MMP8: variants seen among roughly 807,000 people sequenced by gnomAD.
MMP8 encodes matrix metallopeptidase 8.
In MMP8, 67 loss-of-function variants were observed where a neutral mutation model predicts 51.2. The ratio of observed to expected loss-of-function variants is 1.31; its 90% CI spans 1.08 to 1.60. MMP8 has a LOEUF of 1.60. Ranked by LOEUF, MMP8 falls within the 40% of genes most tolerant of loss-of-function variation. The pLI is 0.00. For synonymous variants in MMP8, 225 were observed against 191.0 expected, an observed-to-expected ratio of 1.18 and a Z score of -1.47; for missense variants, 654 against 558.1, an observed-to-expected ratio of 1.17 and a Z score of -1.73.
intron 1 of MMP8, chr11:102,723,615 G>T (rs1861538330): frequency 2.5e-6 from 1 of 406,724 alleles, no homozygotes. Context: ...AACACAAAGG[G>T]CAGCCCCTCT....
At chr11:102,723,556 A>G (rs1565442757) in intron 1 of MMP8, 1 of 453,388 alleles carries the variant, frequency 2.2e-6, no homozygotes, top group Non-Finnish European at 4.4e-6. Flanking sequence ...GCTGTGTCAT[A>G]ACATGGCAGA....
chr11:102,718,331 A>G (rs1053325148), intron 5 of MMP8, 83 bp downstream of exon 5: 1 of 1,387,370 alleles, frequency 7.2e-7, no homozygotes, highest in Non-Finnish European at 9.9e-7. Flanking sequence ...CAGAAGTGCA[A>G]AGGAAGAGAT....
rs1242411962 is a variant in MMP8 at position 102,713,426 on chromosome 11, A to G, written c.1326T>C (p.Tyr442=). ...TCTGAGCAATAAGATCAAATGCGTA[A>G]TATCTTGGTCCACTGAAGACATGGA... is the stretch of plus-strand genomic sequence containing the variant. ...HFFHVFSGPR[Y]YAFDLIAQRV... The change falls in exon 10 of 10, where the codon TAT becomes TAC. Residue 442 remains tyrosine, a synonymous_variant. Coordinates refer to ENST00000236826, the MANE Select transcript of MMP8 (RefSeq NM_002424.3). The G allele has an allele frequency of 2.2e-5, 36 of 1,613,434 alleles. No homozygotes were observed. The highest frequency in any genetic ancestry group is 2.7e-5 in the Non-Finnish European group (32 of 1,179,552).
chr11:102,718,103 T>TC (rs35538003), intron 5 of MMP8, among the ~76,000 whole-genome samples: 44 of 148,910 alleles, frequency 3.0e-4, no homozygotes, highest in Admixed American at 6.7e-4. Flanking sequence ...TGAGACTCCA[T>TC]CCCCCCCCCC....
chr11:102,719,654 C>T (rs1861411810), intron 4 of MMP8, among the ~76,000 whole-genome samples: 1 of 152,210 alleles, frequency 6.6e-6, no homozygotes, highest in Non-Finnish European at 1.5e-5. Flanking sequence ...AAATTCTACC[C>T]ATGCTCTAAG....
intron 2 of MMP8, 112 bp downstream of exon 2, chr11:102,722,317 G>T: frequency 8.6e-7 from 1 of 1,157,544 alleles, no homozygotes; most frequent in African/African-American, 1.6e-5. Context: ...CTCTTCAAAG[G>T]CAGGGATATT....
rs767656147 is a variant in MMP8, at chr11:102,718,535, A to G, written c.663T>C (p.His221=). The G allele has an allele frequency of 6.2e-6, 10 of 1,613,948 alleles. No homozygotes were observed. Among genetic ancestry groups the G allele is most frequent in the South Asian group, 4.4e-5 (4 of 91,086 alleles). ...LFLVAAHEFG[H]SLGLAHSSDP... ...CAGAGGAGTGAGCGAGCCCCAAAGA[A>G]TGGCCAAATTCATGAGCAGCAACAA... Residue 221 remains histidine, a synonymous_variant, in exon 5 of 10, where the codon CAT becomes CAC. Coordinates refer to ENST00000236826, the MANE Select transcript of MMP8 (RefSeq NM_002424.3).
chr11:102,722,109 G>A (rs1353982343), intron 2 of MMP8, among the ~76,000 whole-genome samples: 2 of 152,090 alleles, frequency 1.3e-5, no homozygotes, highest in Admixed American at 6.5e-5. Context: ...TAAGATGTAT[G>A]AAAGGAGGGA....
intron 2 of MMP8, among the ~76,000 whole-genome samples, 186 bp from the exon 3 acceptor site, chr11:102,721,948 A>G (rs1861486265): frequency 6.6e-6 from 1 of 152,186 alleles, no homozygotes; most frequent in Admixed American, 6.5e-5. Context: ...ACATGTCTTT[A>G]AACCTCAGTT....
chr11:102,721,831 G>A (rs1861483100), intron 2 of MMP8, 69 bp from the exon 3 acceptor site: 2 of 1,553,300 alleles, frequency 1.3e-6, no homozygotes, highest in Non-Finnish European at 1.8e-6. Flanking sequence ...CTGATGAGTT[G>A]TTCTGTTTTG....
intron 1 of MMP8, 92 bp from the exon 2 acceptor site, chr11:102,722,765 C>G: frequency 1.3e-6 from 2 of 1,515,370 alleles, no homozygotes; most frequent in Non-Finnish European, 1.8e-6. Context: ...CTACAGAGGT[C>G]TGATAACTTG....
chr11:102,724,602 G>T, intron 1 of MMP8, 152 bp downstream of exon 1: 1 of 626,526 alleles, frequency 1.6e-6, no homozygotes, highest in Non-Finnish European at 2.6e-6. Context: ...TACCAGCTTG[G>T]AACCCTCCAA....
chr11:102,715,519 A>T, intron 6 of MMP8, 82 bp from the exon 7 acceptor site: 2 of 1,515,736 alleles, frequency 1.3e-6, no homozygotes, highest in South Asian at 1.3e-5. Flanking sequence ...TAGGCTAGTG[A>T]TGGTCCTTGT....
At position 102,716,247 on chromosome 11, in the gene MMP8, G is replaced by A. The variant is rs1861289189; in HGVS notation, c.902+55C>T. The A allele has an allele frequency of 4.0e-6, 5 of 1,262,800 alleles. No homozygotes were observed. The Admixed American group carries it at 9.6e-5, about 24-fold the overall frequency. 78.2% of individuals were successfully genotyped at this position (1,262,800 alleles called of 1,614,324 possible). ...TAACGTGTGACTTAATTTGAATCCA[G>A]TTTTAAGGTATGTCAGTAAGAGGAA... On this transcript the variant is annotated intron_variant, in intron 6 of 9. Transcript: ENST00000236826.
chr11:102,722,195 TG>T (rs59210968), intron 2 of MMP8, among the ~76,000 whole-genome samples: 95,020 of 151,814 alleles, frequency 0.63, 30,313 homozygotes, highest in African/African-American at 0.76. Flanking sequence ...CTAACATTGC[TG>T]GTAGTCCTCT....
chr11:102,716,473 G>A (rs922149472), intron 5 of MMP8, 54 bp from the exon 6 acceptor site: 2 of 1,178,936 alleles, frequency 1.7e-6, no homozygotes, highest in African/African-American at 1.6e-5. Context: ...AGTAAGTCCG[G>A]TGTGACTCTT....
intron 4 of MMP8, 135 bp downstream of exon 4, chr11:102,721,265 CA>C: frequency 2.3e-6 from 3 of 1,312,574 alleles, no homozygotes; most frequent in Non-Finnish European, 3.1e-6. Flanking sequence ...CATGAGGTAG[CA>C]AAAATTTCAA....
intron 6 of MMP8, among the ~76,000 whole-genome samples, chr11:102,716,014 GT>G (rs140694314): frequency 4.0e-4 from 60 of 149,480 alleles, no homozygotes; most frequent in African/African-American, 1.4e-3. Context: ...ATGTTTTCAT[GT>G]TTTTTTTTTC....
In MMP8 at chr11:102,712,012, T is replaced by A. The variant is rs1319112702; in HGVS notation, c.*1336A>T. Reference sequence around the variant, plus strand: ...AATAACAGCAAATATAACATTATAATGATTTTGATATCTGGACTCGCTAGA... The same window carrying A: ...AATAACAGCAAATATAACATTATAAAGATTTTGATATCTGGACTCGCTAGA... On this transcript the variant is annotated 3_prime_UTR_variant, in exon 10 of 10. Transcript: ENST00000236826. The A allele has an allele frequency of 6.6e-6, 1 of 152,226 alleles. No individual in the cohort carries two copies. Among genetic ancestry groups the A allele is most frequent in the Non-Finnish European group, 1.5e-5 (1 of 68,048 alleles). 9.4% of individuals were successfully genotyped at this position (152,226 alleles called of 1,614,324 possible). A position where few individuals can be genotyped will look rare whatever the true frequency, so the allele number is the denominator to read the frequency against.
Sources: gnomAD v4.1 joint callset for allele counts (sites outside exome capture counted in the v4.1 genomes callset) on GRCh38, gnomAD v4.1.1 for gene constraint, MANE v1.5 for transcripts, NCBI Gene and HGNC (gene_info 2026-07-23, HGNC 2026-07-21) for gene names.